Variants in CBR1 observed in about 807,000 individuals in gnomAD.
CBR1 encodes carbonyl reductase [NADPH] 1.
In CBR1, 11 loss-of-function variants were observed where a neutral mutation model predicts 10.6. The ratio of observed to expected loss-of-function variants is 1.03; its 90% CI spans 0.65 to 1.71. The LOEUF is 1.71. Ranked by LOEUF, CBR1 falls within the 40% of genes most tolerant of loss-of-function variation. The pLI is 0.00. For synonymous variants in CBR1, 158 were observed against 156.7 expected (o/e 1.01, Z -0.06); for missense variants, 361 against 368.6 (o/e 0.98, Z 0.17).
Position 36,071,639 on chromosome 21 carries a change from C to T in CBR1, c.397+582C>T, listed in dbSNP as rs181553429. On this transcript the variant is annotated intron_variant, in intron 2 of 2. Transcript: ENST00000290349. ...ACCCACCCACCAGGATCCTGCAGGT[C>T]ACCATGCCCCACCCCTCATAATCAT... The T allele has an allele frequency of 2.5e-5, 15 of 597,414 alleles. No homozygotes were observed. In the African/African-American group the frequency reaches 2.6e-4, roughly 10 times the overall value. The allele number at this position is 597,414 out of a possible 1,614,324, so 37.0% of individuals were successfully genotyped here.
intron 1 of CBR1, 76 bp downstream of exon 1, chr21:36,070,480 G>GCCTCCCTCT: frequency 1.4e-6 from 2 of 1,425,778 alleles, no homozygotes; most frequent in South Asian, 1.4e-5. Flanking sequence ...GGTCCATAAC[G>GCCTCCCTCT]CCTCCCTAGG....
In CBR1 at chr21:36,070,104, C is replaced by T. The variant is rs1182477571; in HGVS notation, c.-12C>T. On this transcript the variant is annotated 5_prime_UTR_variant, in exon 1 of 3. Transcript: ENST00000290349. ...GTTCTCCACGCAGGTGTTCCGCGCG[C>T]CCCGTTCAGCCATGTCGTCCGGCAT... 2.7e-5 allele frequency: 40 copies of T among 1,488,142 alleles called. No individual in the cohort carries two copies. The highest frequency in any genetic ancestry group is 3.5e-5 in the Non-Finnish European group (39 of 1,116,114). The allele number at this position is 1,488,142 out of a possible 1,614,324, so 92.2% of individuals were successfully genotyped here. A position where few individuals can be genotyped will look rare whatever the true frequency, so the allele number is the denominator to read the frequency against.
chr21:36,071,301 C>G, intron 2 of CBR1: 1 of 659,190 alleles, frequency 1.5e-6, no homozygotes, highest in East Asian at 2.7e-5. Context: ...GACTCTCATC[C>G]TTCAGGTCTT....
intron 1 of CBR1, 145 bp from the exon 2 acceptor site, chr21:36,070,805 C>T (rs2065346013): frequency 9.7e-6 from 6 of 618,404 alleles, no homozygotes; most frequent in Admixed American, 2.9e-5. Context: ...TTGACATTGG[C>T]ACAATACTGT....
intron 2 of CBR1, chr21:36,072,118 A>T: frequency 6.6e-7 from 1 of 1,521,430 alleles, no homozygotes; most frequent in South Asian, 1.3e-5. Flanking sequence ...GGGTACTTGC[A>T]TGTACAGCTT....
chr21:36,073,086 G>A lies in CBR1; in HGVS notation c.*204G>A, dbSNP rs1184948455. On this transcript the variant is annotated 3_prime_UTR_variant, in exon 3 of 3. Coordinates refer to ENST00000290349, the MANE Select transcript of CBR1 (RefSeq NM_001757.4). ...TGTCAGGTCTTTTGTGATTTCCTCTGATGCAGGAGAGGAAAAATTGTAATT... is the reference window on the plus strand; with the variant it reads ...TGTCAGGTCTTTTGTGATTTCCTCTAATGCAGGAGAGGAAAAATTGTAATT... The A allele has an allele frequency of 4.6e-6, 2 of 437,590 alleles. No individual in the cohort carries two copies. Among genetic ancestry groups the A allele is most frequent in the Non-Finnish European group, 4.0e-6 (1 of 248,268 alleles). The allele number at this position is 437,590 out of a possible 1,614,324, so 27.1% of individuals were successfully genotyped here.
chr21:36,070,064 G>A lies in CBR1; in HGVS notation c.-52G>A. 1.4e-6 allele frequency: 2 copies of A among 1,440,806 alleles called. No individual in the cohort carries two copies. Among genetic ancestry groups the A allele is most frequent in the Non-Finnish European group, 1.8e-6 (2 of 1,094,034 alleles). The allele number at this position is 1,440,806 out of a possible 1,614,324, so 89.3% of individuals were successfully genotyped here. On this transcript the variant is annotated 5_prime_UTR_variant, in exon 1 of 3. Transcript: ENST00000290349. ...CTGGAACACGCTGCGGGGCTCCCGG[G>A]CCTGAGCCAGGTCTGTTCTCCACGC...
rs1437133285 is a variant in CBR1, at chr21:36,072,575, T to A, written c.527T>A (p.Val176Glu). The change falls in exon 3 of 3, where the codon GTG becomes GAG. Residue 176 changes from valine to glutamate, a missense_variant. By Grantham distance (121) the Val-to-Glu change is moderately radical (BLOSUM62 -2). Coordinates refer to ENST00000290349, the MANE Select transcript of CBR1 (RefSeq NM_001757.4). ...EELVGLMNKF[V>E]EDTKKGVHQK... ...CTGGTGGGGCTCATGAACAAGTTTG[T>A]GGAGGATACAAAGAAGGGAGTGCAC... The A allele has an allele frequency of 1.2e-6, 2 of 1,601,882 alleles. No individual in the cohort carries two copies. Among genetic ancestry groups the A allele is most frequent in the Non-Finnish European group, 1.7e-6 (2 of 1,174,446 alleles).
chr21:36,071,590 G>T, intron 2 of CBR1: 2 of 575,838 alleles, frequency 3.5e-6, no homozygotes, highest in Non-Finnish European at 6.2e-6. Flanking sequence ...TTTTCCCTAA[G>T]TCGTTTGGGA....
Position 36,070,114 on chromosome 21 carries a change from CCAT to C in CBR1, c.-1_2del, listed in dbSNP as rs1400194213. The C allele has an allele frequency of 6.6e-6, 10 of 1,507,998 alleles. No homozygotes were observed. In the Admixed American group the frequency reaches 1.8e-4, roughly 28 times the overall value. The allele number at this position is 1,507,998 out of a possible 1,614,324, so 93.4% of individuals were successfully genotyped here. A position where few individuals can be genotyped will look rare whatever the true frequency, so the allele number is the denominator to read the frequency against. ...CAGGTGTTCCGCGCGCCCCGTTCAG[CCAT>C]GTCGTCCGGCATCCATGTAGCGCTG... On this transcript the variant is annotated start_lost and 5_prime_UTR_variant, in exon 1 of 3. Coordinates refer to ENST00000290349, the MANE Select transcript of CBR1 (RefSeq NM_001757.4).
chr21:36,071,579 C>T (rs2065352390), intron 2 of CBR1: 1 of 575,878 alleles, frequency 1.7e-6, no homozygotes, highest in South Asian at 2.1e-5. Context: ...GATCCCTATC[C>T]TTTTCCCTAA....
At position 36,070,853 on chromosome 21, in the gene CBR1, GTT is replaced by G. The variant is rs66638540; in HGVS notation, c.290-71_290-70del. The G allele has an allele frequency of 5.6e-3, 2,827 of 506,078 alleles. 113 individuals carry two copies. Among genetic ancestry groups the G allele is most frequent in the Admixed American group, 9.6e-3 (217 of 22,530 alleles). The allele number at this position is 506,078 out of a possible 1,614,324, so 31.3% of individuals were successfully genotyped here. The stretch of plus-strand genomic sequence containing the variant: ...ACTTACTTTAGGCAGAGGGCACTAA[GTT>G]TTTTTTTTTTTTTTTTTTTTTTTTT... On this transcript the variant is annotated intron_variant, in intron 1 of 2. Coordinates refer to ENST00000290349, the MANE Select transcript of CBR1 (RefSeq NM_001757.4).
chr21:36,072,975 A>G lies in CBR1; in HGVS notation c.*93A>G. 1 of 840,620 alleles carries G rather than the reference A, an allele frequency of 1.2e-6. No homozygotes were observed. Among genetic ancestry groups the G allele is most frequent in the Non-Finnish European group, 1.8e-6 (1 of 552,258 alleles). The allele number at this position is 840,620 out of a possible 1,614,324, so 52.1% of individuals were successfully genotyped here. On this transcript the variant is annotated 3_prime_UTR_variant, in exon 3 of 3. Coordinates refer to ENST00000290349, the MANE Select transcript of CBR1 (RefSeq NM_001757.4). ...TACAATGTCATAAATATCCTTATATAAGAAAAAAAATGATCTCTTATCAAT... is the reference window on the plus strand; with the variant it reads ...TACAATGTCATAAATATCCTTATATGAGAAAAAAAATGATCTCTTATCAAT...
At position 36,070,218 on chromosome 21, in the gene CBR1, C is replaced by T. The variant is rs2065338943; in HGVS notation, c.103C>T (p.Leu35Phe). Reference protein sequence around the residue: ...LCRLFSGDVVLTARDVTRGQA... With the variant: ...LCRLFSGDVVFTARDVTRGQA... Reference sequence around the variant, plus strand: ...CCGGCTGTTCTCGGGGGACGTGGTGCTCACGGCGCGGGACGTGACGCGGGG... The same window carrying T: ...CCGGCTGTTCTCGGGGGACGTGGTGTTCACGGCGCGGGACGTGACGCGGGG... Residue 35 changes from leucine (L) to phenylalanine (F), a missense_variant, in exon 1 of 3, where the codon CTC becomes TTC. By Grantham distance (22) the Leu-to-Phe change is conservative. Transcript: ENST00000290349. The T allele has an allele frequency of 1.2e-6, 2 of 1,608,756 alleles. No homozygotes were observed. The highest frequency in any genetic ancestry group is 2.2e-5 in the South Asian group (2 of 90,846).
In CBR1 at chr21:36,072,762, C is replaced by G; in HGVS notation, c.714C>G (p.Pro238=). The change falls in exon 3 of 3, where the codon CCC becomes CCG. Residue 238 remains proline, a synonymous_variant. Coordinates refer to ENST00000290349, the MANE Select transcript of CBR1 (RefSeq NM_001757.4). ...PGWVRTDMAG[P]KATKSPEEGA... Reference sequence around the variant, plus strand: ...GGGTGAGAACTGACATGGCGGGACCCAAGGCCACCAAGAGCCCAGAAGAAG... The same window carrying G: ...GGGTGAGAACTGACATGGCGGGACCGAAGGCCACCAAGAGCCCAGAAGAAG... 3 of 1,614,116 alleles carry G rather than the reference C, an allele frequency of 1.9e-6. No homozygotes were observed. Among genetic ancestry groups the G allele is most frequent in the Non-Finnish European group, 2.5e-6 (3 of 1,180,026 alleles).
chr21:36,070,345 T>C lies in CBR1; in HGVS notation c.230T>C (p.Leu77Pro). The C allele has an allele frequency of 6.2e-7, 1 of 1,613,262 alleles. No homozygotes were observed. Among genetic ancestry groups the C allele is most frequent in the Non-Finnish European group, 8.5e-7 (1 of 1,179,898 alleles). ...LQSIRALRDF[L>P]RKEYGGLDVL... ...AGCATCCGCGCCCTGCGCGACTTCC[T>C]GCGCAAGGAGTACGGGGGCCTGGAC... The change falls in exon 1 of 3, where the codon CTG (leucine) becomes CCG (proline). Residue 77 changes from leucine to proline, a missense_variant. Coordinates refer to ENST00000290349, the MANE Select transcript of CBR1 (RefSeq NM_001757.4).
intron 2 of CBR1, chr21:36,071,440 A>T (rs966322447): frequency 1.7e-6 from 1 of 588,298 alleles, no homozygotes; most frequent in East Asian, 2.8e-5. Flanking sequence ...TACTACCACC[A>T]GTTCATTAGG....
chr21:36,070,908 TG>T, intron 1 of CBR1, 41 bp from the exon 2 acceptor site: 1 of 1,146,146 alleles, frequency 8.7e-7, no homozygotes, highest in Non-Finnish European at 1.3e-6. Context: ...TTTTACCCCA[TG>T]GGTACAATGT....
In CBR1 at chr21:36,072,897, T is replaced by C; in HGVS notation, c.*15T>C. 1 of 1,572,452 alleles carries C rather than the reference T, an allele frequency of 6.4e-7. No individual in the cohort carries two copies. The highest frequency in any genetic ancestry group is 8.7e-7 in the Non-Finnish European group (1 of 1,150,036). On this transcript the variant is annotated 3_prime_UTR_variant, in exon 3 of 3. Transcript: ENST00000290349. ...AACAGTGGTGAGCTGGGCTCACAGC[T>C]CCATCCATGGGCCCCATTTTGTACC...
Sources: allele counts gnomAD v4.1 joint callset, GRCh38; gene constraint gnomAD v4.1.1; transcripts MANE v1.5; gene names NCBI Gene and HGNC (gene_info 2026-07-23, HGNC 2026-07-21).